Variants in HEXA observed in about 807,000 individuals in gnomAD.
HEXA encodes the protein beta-hexosaminidase subunit alpha.
Under a neutral mutation model 73.3 loss-of-function variants are expected in HEXA, and 54 were observed. The observed-to-expected ratio is 0.74, with a 90% CI of 0.59 to 0.92. The LOEUF is 0.92. HEXA is among the 40% of genes least tolerant of loss of function. HEXA has a pLI of 0.00. For synonymous variants in HEXA, 230 were observed against 246.9 expected (o/e 0.93, Z 0.64); for missense variants, 649 against 653.0 (o/e 0.99, Z 0.07).
At chr15:72,361,584 C>G (rs1421459070) in intron 1 of HEXA, among the ~76,000 whole-genome samples, 1 of 152,164 alleles carries the variant, frequency 6.6e-6, no homozygotes, top group Non-Finnish European at 1.5e-5. Context: ...CTTCATTCCT[C>G]CTCCTGGCTG....
At chr15:72,363,501 A>G (rs1430338998) in intron 1 of HEXA, among the ~76,000 whole-genome samples, 1 of 152,204 alleles carries the variant, frequency 6.6e-6, no homozygotes, top group Non-Finnish European at 1.5e-5. Context: ...AGAGAAGTCA[A>G]GGCCAACCTT....
intron 1 of HEXA, chr15:72,362,288 C>T (rs1264300419): frequency 4.8e-6 from 1 of 210,148 alleles, no homozygotes; most frequent in Non-Finnish European, 1.0e-5. Flanking sequence ...TCCTAAGAAA[C>T]CCTCCTATGT....
chr15:72,346,390 C>T, intron 11 of HEXA, 65 bp from the exon 12 acceptor site: 1 of 1,520,000 alleles, frequency 6.6e-7, no homozygotes, highest in Non-Finnish European at 9.1e-7. Flanking sequence ...CTCTCAACCA[C>T]CTTCCCAATG....
chr15:72,360,972 C>T (rs2088845664), intron 1 of HEXA, among the ~76,000 whole-genome samples: 1 of 152,222 alleles, frequency 6.6e-6, no homozygotes, highest in Non-Finnish European at 1.5e-5. Flanking sequence ...TCCTTACAAC[C>T]TATCTATTCC....
At chr15:72,349,304 C>T (rs1595799223) in intron 7 of HEXA, 45 bp from the exon 8 acceptor site, 2 of 1,448,208 alleles carry the variant, frequency 1.4e-6, no homozygotes, top group Non-Finnish European at 1.9e-6. Context: ...AATACATAAA[C>T]CCCCACGCAC....
Position 72,349,199 on chromosome 15 carries a change from G to A in HEXA, c.866C>T (p.Pro289Leu). ...GGTATTATTGAGACTGGGATTCACT[G>A]GTCCAAAGGTGCCAGAGGGCTCAGA... ...SGSEPSGTFG[P>L]VNPSLNNTYE... The change falls in exon 8 of 14, where the codon CCA (proline) becomes CTA (leucine). Residue 289 changes from proline to leucine, a missense_variant. Physicochemically the swap from Pro to Leu is moderately conservative, Grantham distance 98. Transcript: ENST00000268097. The A allele has an allele frequency of 2.5e-6, 4 of 1,613,958 alleles. No homozygotes were observed. The highest frequency in any genetic ancestry group is 3.4e-6 in the Non-Finnish European group (4 of 1,179,816).
At position 72,375,752 on chromosome 15, in the gene HEXA, C is replaced by G; in HGVS notation, c.221G>C (p.Gly74Ala). Residue 74 changes from glycine (G) to alanine (A), a missense_variant, in exon 1 of 14, where the codon GGT (glycine) becomes GCT (alanine). Physicochemically the swap from Gly to Ala is moderately conservative, Grantham distance 60 (BLOSUM62 0). Transcript: ENST00000268097. ...AFQRYRDLLFGSGSWPRPYLT... is the reference protein window; with the variant it reads ...AFQRYRDLLFASGSWPRPYLT... ...GTAAGGACGGGGCCAAGACCCGGAA[C>G]CGAAAAGCAGGTCACGATAGCGCTG... The G allele has an allele frequency of 6.2e-7, 1 of 1,614,190 alleles. No homozygotes were observed. Among genetic ancestry groups the G allele is most frequent in the Non-Finnish European group, 8.5e-7 (1 of 1,180,026 alleles).
At position 72,371,984 on chromosome 15, in the gene HEXA, C is replaced by A. The variant is rs185782555; in HGVS notation, c.253+3736G>T. On this transcript the variant is annotated intron_variant, in intron 1 of 13. Transcript: ENST00000268097. ...AGGGATGTGCAGGTGAACATCAGAC[C>A]AGGATGGGAACCTTATAATATCTAT... is the stretch of plus-strand genomic sequence containing the variant. Among the ~76,000 whole-genome samples, 984 of 152,226 alleles carry A rather than the reference C, an allele frequency of 6.5e-3. 5 individuals carry two copies. The highest frequency in any genetic ancestry group is 9.7e-3 in the Non-Finnish European group (660 of 68,032).
chr15:72,370,849 T>C (rs1162938943), intron 1 of HEXA, among the ~76,000 whole-genome samples: 1 of 152,188 alleles, frequency 6.6e-6, no homozygotes, highest in Non-Finnish European at 1.5e-5. Flanking sequence ...GCTTCTGCCA[T>C]CACCTTCTTT....
chr15:72,354,590 T>C (rs1041556370), intron 3 of HEXA: 1 of 152,384 alleles, frequency 6.6e-6, no homozygotes, highest in Admixed American at 6.5e-5. Flanking sequence ...CACCCAGCAT[T>C]CTGGAGTTCC....
intron 3 of HEXA, 131 bp from the exon 4 acceptor site, chr15:72,353,868 A>C (rs1372868102): frequency 7.8e-5 from 57 of 733,882 alleles, no homozygotes; most frequent in Non-Finnish European, 1.2e-4. Context: ...TGTAGGCTTG[A>C]CGATTTTTAA....
rs776271078 is a variant in HEXA, at chr15:72,375,860, A to T, written c.113T>A (p.Val38Asp). ...GAATTGAAAGTTGTTCGGGTAAAGGACGTAGCGCTGGTCGGAGGTTTGGAA... is the reference window on the plus strand; with the variant it reads ...GAATTGAAAGTTGTTCGGGTAAAGGTCGTAGCGCTGGTCGGAGGTTTGGAA... ...QNFQTSDQRYVLYPNNFQFQY... is the reference protein window; with the variant it reads ...QNFQTSDQRYDLYPNNFQFQY... Residue 38 changes from valine to aspartate, a missense_variant, in exon 1 of 14, where the codon GTC (valine) becomes GAC (aspartate). By Grantham distance (152) the Val-to-Asp change is radical. Transcript: ENST00000268097. The T allele has an allele frequency of 3.7e-6, 6 of 1,614,210 alleles. No individual in the cohort carries two copies. The highest frequency in any genetic ancestry group is 5.1e-6 in the Non-Finnish European group (6 of 1,180,038).
intron 7 of HEXA, 133 bp from the exon 8 acceptor site, chr15:72,349,392 C>A: frequency 1.3e-6 from 1 of 743,032 alleles, no homozygotes; most frequent in South Asian, 1.5e-5. Flanking sequence ...TAGGTAGGCA[C>A]ACTTAGGCAC....
chr15:72,356,608 T>G lies in HEXA; in HGVS notation c.263A>C (p.His88Pro). The G allele has an allele frequency of 6.2e-7, 1 of 1,614,124 alleles. No homozygotes were observed. Among genetic ancestry groups the G allele is most frequent in the Non-Finnish European group, 8.5e-7 (1 of 1,180,016 alleles). The change falls in exon 2 of 14, where the codon CAT (histidine) becomes CCT (proline). Residue 88 changes from histidine to proline, a missense_variant. Physicochemically the swap from His to Pro is moderately conservative, Grantham distance 77. Transcript: ENST00000268097. The stretch of plus-strand genomic sequence containing the variant: ...AACCAACACATTCTTCTCCAGTGTA[T>G]GCCGTTTCCCTAGGAAGACAGGGTA... ...WPRPYLTGKR[H>P]TLEKNVLVVS...
Position 72,345,450 on chromosome 15 carries a change from G to A in HEXA, c.1522C>T (p.Leu508=). Residue 508 remains leucine (L), a synonymous_variant, in exon 13 of 14, where the codon CTG becomes TTG. Transcript: ENST00000268097. ...ERLSHFRCEL[L]RRGVQAQPLN... is the part of the protein sequence containing the mutation. ...AAGGCCCCACAGCTTGCTTACCTCA[G>A]CAATTCACAGCGGAAGTGTGACAAA... 1 of 1,614,142 alleles carries A rather than the reference G, an allele frequency of 6.2e-7. No individual in the cohort carries two copies. The highest frequency in any genetic ancestry group is 8.5e-7 in the Non-Finnish European group (1 of 1,180,008).
At chr15:72,347,854 G>T in intron 9 of HEXA, 96 bp from the exon 10 acceptor site, 2 of 1,204,092 alleles carry the variant, frequency 1.7e-6, no homozygotes, top group Non-Finnish European at 2.5e-6. Flanking sequence ...CTGGCCAGGG[G>T]CCTATTCCTC....
At position 72,374,045 on chromosome 15, in the gene HEXA, G is replaced by C. The variant is rs1000590391; in HGVS notation, c.253+1675C>G. On this transcript the variant is annotated intron_variant, in intron 1 of 13. Transcript: ENST00000268097. ...AAAAAAGGAAAGGAATTATTCTCAT[G>C]TATACAATAGTAGGAAACAACCTAT... is the stretch of plus-strand genomic sequence containing the variant. Among the ~76,000 whole-genome samples, 3 of 150,770 alleles carry C rather than the reference G, an allele frequency of 2.0e-5. No individual in the cohort carries two copies. The East Asian group carries it at 5.8e-4, about 29-fold the overall frequency.
rs2088580618 is a variant in HEXA, at chr15:72,344,109, C to G, written c.1558G>C (p.Gly520Arg). 1.2e-6 allele frequency: 2 copies of G among 1,613,800 alleles called. No homozygotes were observed. Among genetic ancestry groups the G allele is most frequent in the African/African-American group, 2.7e-5 (2 of 74,890 alleles). ...RGVQAQPLNV[G>R]FCEQEFEQT ...TGTTCAAACTCCTGCTCACAGAAGC[C>G]TACATTGAGGGGTTGGGCCTGGACA... Residue 520 changes from glycine (G) to arginine (R), a missense_variant, in exon 14 of 14, where the codon GGC becomes CGC. Transcript: ENST00000268097.
intron 6 of HEXA, 151 bp downstream of exon 6, chr15:72,350,982 C>T (rs1595800309): frequency 1.4e-6 from 1 of 695,074 alleles, no homozygotes; most frequent in Admixed American, 2.1e-5. Flanking sequence ...TGGACTTGAA[C>T]TCAAGTCTCC....
Sources: gnomAD v4.1 joint callset for allele counts (sites outside exome capture counted in the v4.1 genomes callset) on GRCh38, gnomAD v4.1.1 for gene constraint, MANE v1.5 for transcripts, NCBI Gene and HGNC (gene_info 2026-07-23, HGNC 2026-07-21) for gene names.